The following CAPN1 variants were observed in gnomAD, a reference collection of about 807,000 sequenced individuals.
CAPN1 encodes calpain-1 catalytic subunit.
CAPN1 carries 77 observed loss-of-function variants against 105.2 expected under a neutral mutation model. That is an observed-to-expected ratio of 0.73 (90% CI 0.61 to 0.88). The LOEUF (loss-of-function observed/expected upper bound fraction) is 0.88, where lower values mean the gene tolerates loss of function less well. Among genes scored for constraint, CAPN1 ranks in the 40% least tolerant of loss-of-function variants. The probability of loss-of-function intolerance (pLI) is 0.00; values close to 1 mark genes in which losing one functional copy is unlikely to be tolerated. For missense variants in CAPN1, 833 were observed against 976.6 expected (o/e 0.85, Z 1.96); for synonymous variants, 355 against 388.8 (o/e 0.91, Z 1.02).
chr11:65,181,791 G>C (rs1225326037), upstream of CAPN1: 1 of 232,646 alleles, frequency 4.3e-6, no homozygotes. The surrounding 1 kb of genome is among the most constrained non-coding windows in gnomAD (Gnocchi z 4.6). Flanking sequence ...CCGTGAGTAA[G>C]AGATAGTCAG....
At chr11:65,206,043 G>T (rs1786262393) in intron 12 of CAPN1, 1 of 521,206 alleles carries the variant, frequency 1.9e-6, no homozygotes, top group Non-Finnish European at 3.5e-6. Context: ...TCAGGAGCAG[G>T]GCATTAGACA....
Position 65,210,984 on chromosome 11 carries a change from A to G in CAPN1, c.2118+112A>G. 1.0e-6 allele frequency: 1 copy of G among 998,890 alleles called. No homozygotes were observed. The highest frequency in any genetic ancestry group is 1.6e-6 in the Non-Finnish European group (1 of 633,500). The allele number at this position is 998,890 out of a possible 1,614,324, so 61.9% of individuals were successfully genotyped here. ...GAAATGAGCCTGGGCCTCAGAGCCA[A>G]CCCTGAAGCCCGGGCCACCTGAATC... is the stretch of plus-strand genomic sequence containing the variant. On this transcript the variant is annotated intron_variant, in intron 21 of 21. Coordinates refer to ENST00000279247, the MANE Select transcript of CAPN1 (RefSeq NM_005186.4). The surrounding 1 kb of genome is among the most constrained non-coding windows in gnomAD (Gnocchi z 4.3).
At position 65,188,350 on chromosome 11, in the gene CAPN1, C is replaced by T. The variant is rs114424251; in HGVS notation, c.930-64C>T. 78 of 1,437,638 alleles carry T rather than the reference C, an allele frequency of 5.4e-5. No homozygotes were observed. In the African/African-American group the frequency reaches 1.0e-3, roughly 19 times the overall value. The allele number at this position is 1,437,638 out of a possible 1,614,324, so 89.1% of individuals were successfully genotyped here. A position where few individuals can be genotyped will look rare whatever the true frequency, so the allele number is the denominator to read the frequency against. On this transcript the variant is annotated intron_variant, in intron 8 of 21. Coordinates refer to ENST00000279247, the MANE Select transcript of CAPN1 (RefSeq NM_005186.4). This position sits in a 1 kb window ranked among gnomAD's most constrained non-coding sequence, Gnocchi z 5.5. ...GGGAAGACAGGCCAGGGTAGACAGGCCCCAGGGACAGAGGCCAGGCAGGTC... is the reference window on the plus strand; with the variant it reads ...GGGAAGACAGGCCAGGGTAGACAGGTCCCAGGGACAGAGGCCAGGCAGGTC...
intron 10 of CAPN1, among the ~76,000 whole-genome samples, chr11:65,193,789 C>T (rs1948753418): frequency 6.6e-6 from 1 of 151,672 alleles, no homozygotes; most frequent in Admixed American, 6.6e-5. Flanking sequence ...AATCCTAGTC[C>T]TCTGTGATCC....
At position 65,210,530 on chromosome 11, in the gene CAPN1, G is replaced by A; in HGVS notation, c.2059+78G>A. ...CCAGGAGCTGGGGGGAATGACAGATGGGTGAATTAGCAGATACAGGCCAGT... is the reference window on the plus strand; with the variant it reads ...CCAGGAGCTGGGGGGAATGACAGATAGGTGAATTAGCAGATACAGGCCAGT... On this transcript the variant is annotated intron_variant, in intron 20 of 21. Transcript: ENST00000279247. The surrounding 1 kb of genome is among the most constrained non-coding windows in gnomAD (Gnocchi z 4.3). 1.1e-6 allele frequency: 1 copy of A among 892,488 alleles called. No homozygotes were observed. Among genetic ancestry groups the A allele is most frequent in the Non-Finnish European group, 1.8e-6 (1 of 547,986 alleles). The allele number at this position is 892,488 out of a possible 1,614,324, so 55.3% of individuals were successfully genotyped here.
At chr11:65,187,174 G>C in intron 6 of CAPN1, 41 bp from the exon 7 acceptor site, 1 of 1,470,332 alleles carries the variant, frequency 6.8e-7, no homozygotes, top group Non-Finnish European at 9.5e-7. Flanking sequence ...ATAGGGCGGG[G>C]GGACCTAGCC....
Position 65,188,055 on chromosome 11 carries a change from G to A in CAPN1, c.929+15G>A. ...TGGAGCGACAGGTGAGGGGCAGTGG[G>A]CACTGTCTGGAGTGCCTTGGGGAAA... On this transcript the variant is annotated intron_variant, in intron 8 of 21. Transcript: ENST00000279247. The surrounding 1 kb of genome is among the most constrained non-coding windows in gnomAD (Gnocchi z 5.5). 4 of 1,532,414 alleles carry A rather than the reference G, an allele frequency of 2.6e-6. No individual in the cohort carries two copies. Among genetic ancestry groups the A allele is most frequent in the Non-Finnish European group, 3.5e-6 (4 of 1,131,622 alleles). The allele number at this position is 1,532,414 out of a possible 1,614,324, so 94.9% of individuals were successfully genotyped here.
At chr11:65,194,203 A>C (rs1400031574) in intron 10 of CAPN1, among the ~76,000 whole-genome samples, 1 of 151,910 alleles carries the variant, frequency 6.6e-6, no homozygotes, top group East Asian at 1.9e-4. Context: ...CCTGACCTCA[A>C]CTGATCCGCC....
Position 65,211,444 on chromosome 11 carries a change from G to C in CAPN1, c.*158G>C, listed in dbSNP as rs373312340. 8.5e-6 allele frequency: 6 copies of C among 702,744 alleles called. No homozygotes were observed. The highest frequency in any genetic ancestry group is 1.5e-5 in the Non-Finnish European group (6 of 398,032). The allele number at this position is 702,744 out of a possible 1,614,324, so 43.5% of individuals were successfully genotyped here. On this transcript the variant is annotated 3_prime_UTR_variant, in exon 22 of 22. Coordinates refer to ENST00000279247, the MANE Select transcript of CAPN1 (RefSeq NM_005186.4). The stretch of plus-strand genomic sequence containing the variant: ...GTCCCCTCTCCTCCCAGCCACCATC[G>C]TTCATCTGCTCCGGGCAGAACTGTG...
chr11:65,195,333 G>GGTCA (rs1485226874), intron 10 of CAPN1, among the ~76,000 whole-genome samples: 2 of 151,944 alleles, frequency 1.3e-5, no homozygotes, highest in Non-Finnish European at 2.9e-5. Context: ...CAGCCGTGTT[G>GGTCA]GTCAGGCTGG....
At position 65,188,676 on chromosome 11, in the gene CAPN1, A is replaced by G. The variant is rs1303155006; in HGVS notation, c.1095A>G (p.Lys365=). 6.2e-7 allele frequency: 1 copy of G among 1,613,496 alleles called. No individual in the cohort carries two copies. The highest frequency in any genetic ancestry group is 8.5e-7 in the Non-Finnish European group (1 of 1,179,688). Residue 365 remains lysine, a synonymous_variant, in exon 10 of 22, where the codon AAA becomes AAG. Coordinates refer to ENST00000279247, the MANE Select transcript of CAPN1 (RefSeq NM_005186.4). The surrounding 1 kb of genome is among the most constrained non-coding windows in gnomAD (Gnocchi z 5.5). Reference sequence around the variant, plus strand: ...CCCTCAAGAGCCGGACCATCCGCAAATGGAACACCACACTCTACGAAGGCA... The same window carrying G: ...CCCTCAAGAGCCGGACCATCCGCAAGTGGAACACCACACTCTACGAAGGCA... ...PDALKSRTIR[K]WNTTLYEGTW...
chr11:65,186,829 C>T (rs747852651), intron 6 of CAPN1, among the ~76,000 whole-genome samples: 7 of 152,224 alleles, frequency 4.6e-5, no homozygotes, highest in Admixed American at 6.5e-5. Flanking sequence ...CTCCCATTCC[C>T]ATTTCTAACT....
At chr11:65,187,374 C>A in intron 7 of CAPN1, 76 bp downstream of exon 7, 1 of 1,002,572 alleles carries the variant, frequency 1.0e-6, no homozygotes, top group Non-Finnish European at 1.5e-6. Context: ...TGGCACCTGA[C>A]CAGGGCTGTG....
intron 4 of CAPN1, 28 bp downstream of exon 4, chr11:65,183,620 A>T (rs17883910): frequency 0.013 from 19,374 of 1,479,156 alleles, 154 homozygotes; most frequent in Middle Eastern, 0.021. Flanking sequence ...GAGGAGGGGC[A>T]GCAGGCACTG....
chr11:65,202,691 C>T (rs1248866344), intron 10 of CAPN1, among the ~76,000 whole-genome samples: 3 of 152,094 alleles, frequency 2.0e-5, no homozygotes, highest in African/African-American at 7.2e-5. Flanking sequence ...GATCCAGCTG[C>T]CTCAGCCTCC....
chr11:65,196,325 A>G (rs1948792153), intron 10 of CAPN1, among the ~76,000 whole-genome samples: 1 of 151,250 alleles, frequency 6.6e-6, no homozygotes, highest in Non-Finnish European at 1.5e-5. Context: ...TTCATTTTCT[A>G]GTTTCTTTTT....
Position 65,187,963 on chromosome 11 carries a change from C to T in CAPN1, c.852C>T (p.Tyr284=), listed in dbSNP as rs1216418937. 5 of 1,558,314 alleles carry T rather than the reference C, an allele frequency of 3.2e-6. No homozygotes were observed. The highest frequency in any genetic ancestry group is 1.4e-5 in the African/African-American group (1 of 73,188). The change falls in exon 8 of 22, where the codon TAC becomes TAT. Residue 284 remains tyrosine (Y), a synonymous_variant. Transcript: ENST00000279247. ...GGAGCTCTGGCAAATAGGTGAACTACCGAGGCCAGGTGGTGAGCCTGATCC... is the reference window on the plus strand; with the variant it reads ...GGAGCTCTGGCAAATAGGTGAACTATCGAGGCCAGGTGGTGAGCCTGATCC... ...YSVTGAKQVN[Y]RGQVVSLIRM... is the part of the protein sequence containing the mutation.
At chr11:65,199,999 T>C (rs978877979) in intron 10 of CAPN1, among the ~76,000 whole-genome samples, 1 of 152,182 alleles carries the variant, frequency 6.6e-6, no homozygotes, top group Admixed American at 6.5e-5. Context: ...TGCTCCGGGG[T>C]GTTTCTGCTA....
intron 10 of CAPN1, among the ~76,000 whole-genome samples, chr11:65,190,129 T>G (rs932000705): frequency 1.3e-5 from 2 of 152,196 alleles, no homozygotes; most frequent in African/African-American, 2.4e-5. Flanking sequence ...CCAGTGTCAT[T>G]ACGGAGAGTC....
Sources: allele counts gnomAD v4.1 joint callset (sites outside exome capture counted in the v4.1 genomes callset), GRCh38; gene constraint gnomAD v4.1.1; non-coding constraint Gnocchi (gnomAD v3.1); transcripts MANE v1.5; gene names NCBI Gene and HGNC (gene_info 2026-07-23, HGNC 2026-07-21).